Variants in LRRTM4 observed in about 807,000 individuals in gnomAD.
LRRTM4 encodes the protein leucine rich repeat transmembrane neuronal 4.
Under a neutral mutation model 47.6 loss-of-function variants are expected in LRRTM4, and 25 were observed. That is an observed-to-expected ratio of 0.53 (90% CI 0.38 to 0.73). LRRTM4 has a LOEUF of 0.73. Ranked by LOEUF, LRRTM4 falls within the 30% of genes least tolerant of loss-of-function variation. LRRTM4 has a pLI of 0.00. For synonymous variants in LRRTM4, 311 were observed against 269.5 expected, an observed-to-expected ratio of 1.15 and a Z score of -1.51; for missense variants, 638 against 713.4, an observed-to-expected ratio of 0.89 and a Z score of 1.20.
At chr2:77,452,732 C>T (rs1040562511) in intron 3 of LRRTM4, among the ~76,000 whole-genome samples, 2 of 152,104 alleles carry the variant, frequency 1.3e-5, no homozygotes, top group Non-Finnish European at 2.9e-5. Context: ...TGTAGTTAAT[C>T]CTGCTAGAGA....
At chr2:77,362,815 G>A (rs929420735) in intron 3 of LRRTM4, among the ~76,000 whole-genome samples, 1 of 152,042 alleles carries the variant, frequency 6.6e-6, no homozygotes, top group Non-Finnish European at 1.5e-5. Context: ...GATTTCTTAG[G>A]CAAGAAAAAA....
intron 3 of LRRTM4, among the ~76,000 whole-genome samples, chr2:77,025,414 AAG>A (rs1678420751): frequency 6.6e-6 from 1 of 152,134 alleles, no homozygotes; most frequent in African/African-American, 2.4e-5. Flanking sequence ...GCTGAGATGT[AAG>A]AGAATTCTTG....
intron 3 of LRRTM4, among the ~76,000 whole-genome samples, chr2:76,815,917 T>C (rs1271786271): frequency 6.6e-6 from 1 of 152,146 alleles, no homozygotes; most frequent in Non-Finnish European, 1.5e-5. Context: ...ATTGATTTTA[T>C]TATCTTCCCC....
chr2:77,494,498 A>G (rs1248951633), intron 3 of LRRTM4, among the ~76,000 whole-genome samples: 1 of 152,076 alleles, frequency 6.6e-6, no homozygotes, highest in Non-Finnish European at 1.5e-5. Flanking sequence ...GCTGAGACCT[A>G]TAGATCAGCA....
At chr2:76,992,273 A>C (rs777888637) in intron 3 of LRRTM4, among the ~76,000 whole-genome samples, 2 of 151,894 alleles carry the variant, frequency 1.3e-5, no homozygotes, top group African/African-American at 2.4e-5. Flanking sequence ...ATAGTACTGG[A>C]AGTGCTAGCC....
At chr2:77,378,886 T>G (rs1192528126) in intron 3 of LRRTM4, among the ~76,000 whole-genome samples, 3 of 152,134 alleles carry the variant, frequency 2.0e-5, no homozygotes, top group Admixed American at 2.0e-4. Flanking sequence ...TGTTCACCTT[T>G]ACACACAAGT....
chr2:76,787,008 T>G (rs1674707996), intron 3 of LRRTM4, among the ~76,000 whole-genome samples: 1 of 152,066 alleles, frequency 6.6e-6, no homozygotes, highest in Non-Finnish European at 1.5e-5. Flanking sequence ...TCAGGTGACT[T>G]GTGGAACATG....
chr2:76,807,445 CATAT>C (rs779192487), intron 3 of LRRTM4, among the ~76,000 whole-genome samples: 8 of 69,302 alleles, frequency 1.2e-4, no homozygotes, highest in East Asian at 6.2e-4. Flanking sequence ...TACGTATATA[CATAT>C]ATATATATAC....
At chr2:77,251,167 A>G (rs200278577) in intron 3 of LRRTM4, among the ~76,000 whole-genome samples, 12 of 34,354 alleles carry the variant, frequency 3.5e-4, no homozygotes, top group South Asian at 3.1e-3. Flanking sequence ...ATACATATAT[A>G]TGTGTGTGTG....
chr2:76,858,377 A>T (rs1216276591), intron 3 of LRRTM4, among the ~76,000 whole-genome samples: 1 of 152,166 alleles, frequency 6.6e-6, no homozygotes, highest in Non-Finnish European at 1.5e-5. Flanking sequence ...AAACAGAAAC[A>T]TTAGCTCTTC....
chr2:77,452,690 C>A (rs1036207340), intron 3 of LRRTM4, among the ~76,000 whole-genome samples: 4 of 152,122 alleles, frequency 2.6e-5, no homozygotes, highest in African/African-American at 4.8e-5. Context: ...AGAGGCCCTG[C>A]ATTTTCATTT....
chr2:77,019,143 G>C (rs1233286932), intron 3 of LRRTM4, among the ~76,000 whole-genome samples: 1 of 146,642 alleles, frequency 6.8e-6, no homozygotes, highest in Non-Finnish European at 1.5e-5. Flanking sequence ...TTTTAGACTT[G>C]TTATAGAGAG....
intron 3 of LRRTM4, among the ~76,000 whole-genome samples, chr2:77,204,730 A>AACTC (rs1402752130): frequency 6.6e-6 from 1 of 152,166 alleles, no homozygotes; most frequent in Non-Finnish European, 1.5e-5. Flanking sequence ...GTAATCTGCA[A>AACTC]ACTCCATGAA....
chr2:76,909,905 C>T (rs564339476), intron 3 of LRRTM4, among the ~76,000 whole-genome samples: 1 of 152,136 alleles, frequency 6.6e-6, no homozygotes, highest in Admixed American at 6.5e-5. Flanking sequence ...GTGGGACTGT[C>T]AACTAGTTCA....
At chr2:77,084,244 T>G (rs1039529889) in intron 3 of LRRTM4, among the ~76,000 whole-genome samples, 11 of 152,196 alleles carry the variant, frequency 7.2e-5, no homozygotes, top group African/African-American at 2.7e-4. Context: ...CATCTTCAAG[T>G]AGTCTTAGAT....
At chr2:77,299,866 T>G (rs1677082666) in intron 3 of LRRTM4, among the ~76,000 whole-genome samples, 1 of 148,060 alleles carries the variant, frequency 6.8e-6, no homozygotes, top group Non-Finnish European at 1.5e-5. Flanking sequence ...TTTTTTTTTT[T>G]TTTTTGAGAC....
intron 3 of LRRTM4, among the ~76,000 whole-genome samples, chr2:77,300,598 C>T (rs1173522388): frequency 1.3e-5 from 2 of 152,164 alleles, no homozygotes; most frequent in African/African-American, 4.8e-5. Flanking sequence ...ATAGGACACC[C>T]TCAACAAACA....
chr2:77,205,224 T>A, intron 3 of LRRTM4, among the ~76,000 whole-genome samples: 1 of 152,220 alleles, frequency 6.6e-6, no homozygotes, highest in East Asian at 1.9e-4. Flanking sequence ...CAGCTTTGTT[T>A]TTAGTTTTGT....
At chr2:76,889,735 A>G (rs1198808656) in intron 3 of LRRTM4, among the ~76,000 whole-genome samples, 1 of 152,012 alleles carries the variant, frequency 6.6e-6, no homozygotes, top group African/African-American at 2.4e-5. Context: ...TAAATAATAT[A>G]GCAGTAAAAT....
Sources: allele counts gnomAD v4.1 joint callset (sites outside exome capture counted in the v4.1 genomes callset), GRCh38; gene constraint gnomAD v4.1.1; transcripts MANE v1.5; gene names NCBI Gene and HGNC (gene_info 2026-07-23, HGNC 2026-07-21).